The following CTBP1 variants were observed in gnomAD, a reference collection of about 807,000 sequenced individuals.
CTBP1 encodes the protein C-terminal binding protein 1.
In CTBP1, 11 loss-of-function variants were observed where a neutral mutation model predicts 42.1. The ratio of observed to expected loss-of-function variants is 0.26; its 90% CI spans 0.16 to 0.43. The LOEUF (loss-of-function observed/expected upper bound fraction) is 0.43, where lower values mean the gene tolerates loss of function less well. Among genes scored for constraint, CTBP1 ranks in the 20% least tolerant of loss-of-function variants. CTBP1 has a pLI of 1.00. For synonymous variants in CTBP1, 324 were observed against 277.1 expected (o/e 1.17, Z -1.68); for missense variants, 399 against 624.3 (o/e 0.64, Z 3.85).
intron 5 of CTBP1, among the ~76,000 whole-genome samples, chr4:1,220,631 G>A (rs900220028): frequency 2.6e-5 from 4 of 152,362 alleles, no homozygotes; most frequent in East Asian, 3.9e-4. Flanking sequence ...TGCAGACAGC[G>A]TCACATGGGA....
At position 1,248,964 on chromosome 4, in the gene CTBP1, G is replaced by C. The variant is rs1174375081; in HGVS notation, c.-237C>G. The C allele has an allele frequency of 1.1e-5, 11 of 998,644 alleles. No homozygotes were observed. Among genetic ancestry groups the C allele is most frequent in the African/African-American group, 3.6e-5 (2 of 56,236 alleles). The allele number at this position is 998,644 out of a possible 1,614,324, so 61.9% of individuals were successfully genotyped here. A position where few individuals can be genotyped will look rare whatever the true frequency, so the allele number is the denominator to read the frequency against. On this transcript the variant is annotated 5_prime_UTR_variant, in exon 1 of 10. Coordinates refer to ENST00000382952, the MANE Select transcript of CTBP1 (RefSeq NM_001012614.2). ...AAGTGCGAGCTGCCCATCGAGAGGCGCGAGCGGCCGCGGGCCCCGACCACT... is the reference window on the plus strand; with the variant it reads ...AAGTGCGAGCTGCCCATCGAGAGGCCCGAGCGGCCGCGGGCCCCGACCACT...
rs757766452 is a variant in CTBP1 at position 1,238,158 on chromosome 4, G to A, written c.162+25C>T. 8 of 1,612,236 alleles carry A rather than the reference G, an allele frequency of 5.0e-6. No individual in the cohort carries two copies. In the Admixed American group the frequency reaches 1.3e-4, roughly 27 times the overall value. ...CTCCCCCCAACGTGCGGTTCTGCCA[G>A]CCCCAGGCGACCACGTGGTGGTACC... On this transcript the variant is annotated intron_variant, in intron 3 of 9. Coordinates refer to ENST00000382952, the MANE Select transcript of CTBP1 (RefSeq NM_001012614.2). This position sits in a 1 kb window ranked among gnomAD's most constrained non-coding sequence, Gnocchi z 5.9.
At position 1,214,428 on chromosome 4, in the gene CTBP1, C is replaced by G; in HGVS notation, c.775G>C (p.Val259Leu). ...GCCTGGGCCAGCGCCTTCTCATCCA[C>G]CAGGCCACCCCGGGCTGTGTTCACC... ...FLVNTARGGL[V>L]DEKALAQALK... The change falls in exon 7 of 10, where the codon GTG becomes CTG. Residue 259 changes from valine (V) to leucine (L), a missense_variant. By Grantham distance (32) the Val-to-Leu change is conservative (BLOSUM62 1). This residue lies in a region of CTBP1 where 309 missense variants were observed against 497.5 expected (regional missense o/e 0.62). Coordinates refer to ENST00000382952, the MANE Select transcript of CTBP1 (RefSeq NM_001012614.2). The G allele has an allele frequency of 6.3e-7, 1 of 1,585,188 alleles. No individual in the cohort carries two copies. The highest frequency in any genetic ancestry group is 1.2e-5 in the South Asian group (1 of 86,894).
At chr4:1,226,594 C>T (rs973814702) in intron 4 of CTBP1, among the ~76,000 whole-genome samples, 1 of 150,232 alleles carries the variant, frequency 6.7e-6, no homozygotes, top group African/African-American at 2.5e-5. Flanking sequence ...GAGGGTGGGC[C>T]AGATCCCAGG....
rs1290417654 is a variant in CTBP1, at chr4:1,214,450, C to T, written c.753G>A (p.Val251=). The T allele has an allele frequency of 4.4e-6, 7 of 1,589,886 alleles. No individual in the cohort carries two copies. Among genetic ancestry groups the T allele is most frequent in the Non-Finnish European group, 1.7e-6 (2 of 1,170,268 alleles). Reference sequence around the variant, plus strand: ...CCACCAGGCCACCCCGGGCTGTGTTCACCAGGAAGGCCCCTTGTCTCATCT... The same window carrying T: ...CCACCAGGCCACCCCGGGCTGTGTTTACCAGGAAGGCCCCTTGTCTCATCT... The part of the protein sequence containing the change: ...VKQMRQGAFL[V]NTARGGLVDE... Residue 251 remains valine (V), a synonymous_variant, in exon 7 of 10, where the codon GTG becomes GTA. Transcript: ENST00000382952.
Position 1,233,941 on chromosome 4 carries a change from C to T in CTBP1, c.162+4242G>A, listed in dbSNP as rs767592672. On this transcript the variant is annotated intron_variant, in intron 3 of 9. Transcript: ENST00000382952. The surrounding 1 kb of genome is among the most constrained non-coding windows in gnomAD (Gnocchi z 4.6). ...GGCCCCGCTGCCCTCTCCACAGCCA[C>T]GAGGGTCCCTGCCTCCTGCCTTGTT... Among the ~76,000 whole-genome samples the T allele has an allele frequency of 1.3e-5, 2 of 152,238 alleles. No individual in the cohort carries two copies. The highest frequency in any genetic ancestry group is 1.9e-4 in the East Asian group (1 of 5,200).
In CTBP1 at chr4:1,249,016, G is replaced by T; in HGVS notation, c.-289C>A. The T allele has an allele frequency of 2.4e-6, 2 of 827,456 alleles. No homozygotes were observed. The highest frequency in any genetic ancestry group is 2.9e-6 in the Non-Finnish European group (2 of 689,128). The allele number at this position is 827,456 out of a possible 1,614,324, so 51.3% of individuals were successfully genotyped here. On this transcript the variant is annotated 5_prime_UTR_variant, in exon 1 of 10. Transcript: ENST00000382952. ...CGGCGCGCTGCGCCGCCGCGAGCCC[G>T]GCGCGTGGGGCGGCCTCGGCGCCGT...
chr4:1,236,266 A>G, intron 3 of CTBP1: 1 of 231,118 alleles, frequency 4.3e-6, no homozygotes, highest in South Asian at 1.1e-4. Flanking sequence ...CCTGGCTACA[A>G]GTAGAAGCCA....
intron 5 of CTBP1, among the ~76,000 whole-genome samples, chr4:1,218,850 T>C (rs1185725458): frequency 6.6e-6 from 1 of 151,994 alleles, no homozygotes; most frequent in South Asian, 2.1e-4. Context: ...ACCTGATTAA[T>C]ATAAAAGAAG....
chr4:1,247,819 C>T (rs929575263), intron 1 of CTBP1, among the ~76,000 whole-genome samples: 1 of 152,086 alleles, frequency 6.6e-6, no homozygotes. Context: ...GCCGCCTCGG[C>T]CCTAGCTCCA....
At chr4:1,216,373 C>G (rs1729117358) in intron 5 of CTBP1, 168 bp from the exon 6 acceptor site, 3 of 668,520 alleles carry the variant, frequency 4.5e-6, no homozygotes, top group Non-Finnish European at 5.0e-6. Flanking sequence ...ACGAGCGCTC[C>G]ACGTCCGCTC....
At chr4:1,244,139 A>T in intron 1 of CTBP1, 1 of 985,346 alleles carries the variant, frequency 1.0e-6, no homozygotes, top group Non-Finnish European at 1.2e-6. Flanking sequence ...CCTCCTGGCC[A>T]CATGTCAACG....
intron 5 of CTBP1, chr4:1,221,915 A>G: frequency 2.6e-6 from 1 of 377,492 alleles, no homozygotes; most frequent in Admixed American, 3.0e-5. Flanking sequence ...AGGAGATGTA[A>G]GTCACGGGCA....
intron 1 of CTBP1, chr4:1,243,371 C>A (rs1333971137): frequency 1.0e-6 from 1 of 985,256 alleles, no homozygotes; most frequent in Non-Finnish European, 1.2e-6. Flanking sequence ...TGGGGCCCTG[C>A]ACTCCCTGGG....
At chr4:1,214,496 A>G (rs1430888164) in intron 6 of CTBP1, 23 bp from the exon 7 acceptor site, 2 of 1,552,242 alleles carry the variant, frequency 1.3e-6, no homozygotes, top group Non-Finnish European at 1.7e-6. Flanking sequence ...AGGACAGGCC[A>G]GGCCCAGTCA....
At chr4:1,236,399 C>T in intron 3 of CTBP1, 1 of 543,022 alleles carries the variant, frequency 1.8e-6, no homozygotes, top group Non-Finnish European at 3.3e-6. Context: ...GCCGAGACCG[C>T]CCGTGTGAAG....
At chr4:1,219,003 AACTC>A (rs1729448930) in intron 5 of CTBP1, among the ~76,000 whole-genome samples, 1 of 152,148 alleles carries the variant, frequency 6.6e-6, no homozygotes, top group South Asian at 2.1e-4. Context: ...AAGAGGAACT[AACTC>A]TATACTATTA....
chr4:1,241,702 A>C (rs1391545213), intron 1 of CTBP1, 183 bp from the exon 2 acceptor site: 3 of 1,230,860 alleles, frequency 2.4e-6, no homozygotes, highest in East Asian at 5.1e-5. Context: ...TGCCGCACAC[A>C]CGAAGGGCGC....
chr4:1,235,446 G>A lies in CTBP1; in HGVS notation c.162+2737C>T, dbSNP rs1731395119. On this transcript the variant is annotated intron_variant, in intron 3 of 9. Transcript: ENST00000382952. The surrounding 1 kb of genome is among the most constrained non-coding windows in gnomAD (Gnocchi z 4.2). ...TCCAACCCCTTCCCTCTCCTGTTCT[G>A]AAGTTTCTGCAAGAGCGACCCTTCC... 6.6e-6 allele frequency: 1 copy of A among 152,218 alleles called. No homozygotes were observed. The highest frequency in any genetic ancestry group is 6.5e-5 in the Admixed American group (1 of 15,274). 9.4% of individuals were successfully genotyped at this position (152,218 alleles called of 1,614,324 possible). A position where few individuals can be genotyped will look rare whatever the true frequency, so the allele number is the denominator to read the frequency against.
Sources: gnomAD v4.1 joint callset for allele counts (sites outside exome capture counted in the v4.1 genomes callset) on GRCh38, gnomAD v4.1.1 for gene constraint, gnomAD v4.1.1 regional missense constraint, Gnocchi (gnomAD v3.1) non-coding constraint, MANE v1.5 for transcripts, NCBI Gene and HGNC (gene_info 2026-07-23, HGNC 2026-07-21) for gene names.